Variants in NEK1 observed in about 807,000 individuals in gnomAD.
NEK1 encodes the protein NIMA related kinase 1.
Under a neutral mutation model 182.1 loss-of-function variants are expected in NEK1, and 137 were observed. The observed-to-expected ratio is 0.75, with a 90% CI of 0.65 to 0.87. The LOEUF (loss-of-function observed/expected upper bound fraction) is 0.87. NEK1 is among the 40% of genes least tolerant of loss of function. NEK1 has a pLI of 0.00. For missense variants in NEK1, 1,391 were observed against 1,494.4 expected, an observed-to-expected ratio of 0.93 and a Z score of 1.14; for synonymous variants, 513 against 492.2, an observed-to-expected ratio of 1.04 and a Z score of -0.56.
At chr4:169,425,412 A>T (rs960522393) in intron 30 of NEK1, among the ~76,000 whole-genome samples, 3 of 150,640 alleles carry the variant, frequency 2.0e-5, no homozygotes, top group African/African-American at 7.4e-5. Flanking sequence ...ACAGAGTGAG[A>T]CCCTGTCTCT....
At chr4:169,587,153 T>G (rs1030684386) in intron 9 of NEK1, among the ~76,000 whole-genome samples, 9 of 151,976 alleles carry the variant, frequency 5.9e-5, no homozygotes, top group African/African-American at 1.9e-4. Context: ...TTGATAAAAG[T>G]CATCAGTGAG....
intron 18 of NEK1, among the ~76,000 whole-genome samples, chr4:169,543,865 G>A (rs1580631226): frequency 6.6e-6 from 1 of 152,204 alleles, no homozygotes; most frequent in East Asian, 1.9e-4. Context: ...TTGCTTATCA[G>A]CTTAAGGAGA....
Position 169,483,282 on chromosome 4 carries a change from C to T in NEK1, c.2008-3748G>A, listed in dbSNP as rs560365239. Among the ~76,000 whole-genome samples, 29 of 152,136 alleles carry T rather than the reference C, an allele frequency of 1.9e-4. No individual in the cohort carries two copies. In the East Asian group the frequency reaches 4.6e-3, roughly 24 times the overall value. ...AGTCTGTGGTGCCTCAGAACAATTA[C>T]AACAGTAATATCAAAGATATAATGA... On this transcript the variant is annotated intron_variant, in intron 23 of 35. Coordinates refer to ENST00000507142, the MANE Select transcript of NEK1 (RefSeq NM_001199397.3).
At chr4:169,574,586 G>A (rs1487949192) in intron 12 of NEK1, among the ~76,000 whole-genome samples, 2 of 147,904 alleles carry the variant, frequency 1.4e-5, no homozygotes, top group South Asian at 2.1e-4. Flanking sequence ...CAGCCTGGGC[G>A]ACAGAGGGAG....
intron 26 of NEK1, among the ~76,000 whole-genome samples, chr4:169,473,454 C>T (rs1746387629): frequency 6.6e-6 from 1 of 151,988 alleles, no homozygotes; most frequent in Non-Finnish European, 1.5e-5. Context: ...GTGGTAGGTA[C>T]ACTAGAAACC....
chr4:169,568,458 A>T (rs969196130), intron 12 of NEK1, among the ~76,000 whole-genome samples: 9 of 152,134 alleles, frequency 5.9e-5, no homozygotes, highest in Non-Finnish European at 1.0e-4. Flanking sequence ...ACATTTTTTT[A>T]AAAAAGGACA....
intron 10 of NEK1, among the ~76,000 whole-genome samples, chr4:169,581,250 T>A (rs1766608288): frequency 6.6e-6 from 1 of 151,794 alleles, no homozygotes; most frequent in Non-Finnish European, 1.5e-5. Flanking sequence ...TCCCTCCCAA[T>A]CTTATTTATG....
chr4:169,567,973 A>T (rs978595699), intron 12 of NEK1, among the ~76,000 whole-genome samples: 1 of 152,240 alleles, frequency 6.6e-6, no homozygotes, highest in Non-Finnish European at 1.5e-5. Context: ...TAAGGAAAAC[A>T]TTAAGAAAAC....
chr4:169,565,886 C>A lies in NEK1; in HGVS notation c.1021-3690G>T, dbSNP rs75023979. 1.5e-3 allele frequency among the ~76,000 whole-genome samples: 232 copies of A among 152,194 alleles called. 2 individuals carry two copies. Among genetic ancestry groups the A allele is most frequent in the African/African-American group, 4.7e-3 (194 of 41,538 alleles). On this transcript the variant is annotated intron_variant, in intron 12 of 35. Transcript: ENST00000507142. ...ATGTTCTAAAATTGACTGTGCAGAT[C>A]GTTATGCAACTCTATAAATACATAA...
chr4:169,573,878 G>A (rs898125489), intron 12 of NEK1, among the ~76,000 whole-genome samples: 2 of 152,202 alleles, frequency 1.3e-5, no homozygotes, highest in African/African-American at 4.8e-5. Flanking sequence ...AAGAAAATAA[G>A]CCAGGCACGG....
chr4:169,505,969 CTA>C (rs950424824), intron 23 of NEK1, among the ~76,000 whole-genome samples: 1 of 150,662 alleles, frequency 6.6e-6, no homozygotes, highest in African/African-American at 2.4e-5. Flanking sequence ...ATAAAAGAAA[CTA>C]TGAGTAAATG....
At chr4:169,496,649 C>G (rs943981239) in intron 23 of NEK1, among the ~76,000 whole-genome samples, 6 of 149,110 alleles carry the variant, frequency 4.0e-5, no homozygotes, top group African/African-American at 1.5e-4. Flanking sequence ...TTTTCTGCAT[C>G]TATTGAGATA....
chr4:169,484,151 T>G (rs1748627904), intron 23 of NEK1, among the ~76,000 whole-genome samples: 1 of 152,208 alleles, frequency 6.6e-6, no homozygotes, highest in Non-Finnish European at 1.5e-5. Flanking sequence ...TATTTTTATT[T>G]AAATCAGTAA....
intron 30 of NEK1, among the ~76,000 whole-genome samples, chr4:169,425,843 C>T (rs968396316): frequency 6.6e-6 from 1 of 152,120 alleles, no homozygotes; most frequent in Non-Finnish European, 1.5e-5. Flanking sequence ...TTAACTAATA[C>T]TATTTTAAAA....
chr4:169,446,075 A>C (rs111818674), intron 27 of NEK1, among the ~76,000 whole-genome samples: 6 of 152,024 alleles, frequency 3.9e-5, no homozygotes, highest in African/African-American at 1.4e-4. Flanking sequence ...CAGAAGCTGG[A>C]AAGTGTGGCT....
intron 12 of NEK1, among the ~76,000 whole-genome samples, chr4:169,572,950 G>A (rs1354428473): frequency 6.6e-6 from 1 of 152,150 alleles, no homozygotes; most frequent in Non-Finnish European, 1.5e-5. Flanking sequence ...GGAAAGTTTT[G>A]TTGTTAAAGG....
chr4:169,461,734 T>C (rs1744002821), intron 27 of NEK1, among the ~76,000 whole-genome samples: 1 of 152,170 alleles, frequency 6.6e-6, no homozygotes, highest in South Asian at 2.1e-4. Flanking sequence ...GTTAATTACC[T>C]AAATATCTCT....
At chr4:169,396,485 A>T (rs1730750101) in intron 35 of NEK1, among the ~76,000 whole-genome samples, 1 of 151,132 alleles carries the variant, frequency 6.6e-6, no homozygotes, top group Admixed American at 6.6e-5. Flanking sequence ...CACAGCTGTT[A>T]TACTCCTCTC....
At chr4:169,433,804 A>G (rs1737874544) in intron 28 of NEK1, 139 bp from the exon 29 acceptor site, 5 of 805,712 alleles carry the variant, frequency 6.2e-6, no homozygotes, top group Non-Finnish European at 9.6e-6. Context: ...TATTCTCTCT[A>G]TAGGGTTTAA....
Sources: allele counts gnomAD v4.1 joint callset (sites outside exome capture counted in the v4.1 genomes callset), GRCh38; gene constraint gnomAD v4.1.1; transcripts MANE v1.5; gene names NCBI Gene and HGNC (gene_info 2026-07-23, HGNC 2026-07-21).